The following PLA2G4A variants were observed in gnomAD, a reference collection of about 807,000 sequenced individuals.
PLA2G4A encodes the protein phospholipase A2 group IVA.
Under a neutral mutation model 81.9 loss-of-function variants are expected in PLA2G4A, and 40 were observed. That is an observed-to-expected ratio of 0.49 (90% CI 0.38 to 0.64). The LOEUF is 0.64. PLA2G4A is among the 30% of genes least tolerant of loss of function. PLA2G4A has a pLI of 0.00. For missense variants in PLA2G4A, 715 were observed against 905.1 expected, an observed-to-expected ratio of 0.79 and a Z score of 2.69; for synonymous variants, 302 against 296.9, an observed-to-expected ratio of 1.02 and a Z score of -0.18.
intron 10 of PLA2G4A, among the ~76,000 whole-genome samples, 190 bp downstream of exon 10, chr1:186,940,284 A>G (rs1209022259): frequency 6.6e-6 from 1 of 152,224 alleles, no homozygotes; most frequent in Non-Finnish European, 1.5e-5. Context: ...ATTCCATGAA[A>G]CTAGTAACTA....
At chr1:186,930,074 G>A (rs2102197614) in intron 7 of PLA2G4A, among the ~76,000 whole-genome samples, 1 of 151,666 alleles carries the variant, frequency 6.6e-6, no homozygotes, top group African/African-American at 2.4e-5. Context: ...GCTTGGGTGA[G>A]AGAGAGAGAG....
chr1:186,838,364 A>T (rs1167800210), intron 1 of PLA2G4A, among the ~76,000 whole-genome samples: 1 of 152,206 alleles, frequency 6.6e-6, no homozygotes, highest in Non-Finnish European at 1.5e-5. Flanking sequence ...AAGCAAAACA[A>T]AATAAAAAAC....
Position 186,861,496 on chromosome 1 carries a change from TA to T in PLA2G4A, c.33+7115del, listed in dbSNP as rs140931050. ...CTACTTTTAGGAAAATGTTTATTTT[TA>T]AAAAACATTGTCCAGTTTATAGTTA... On this transcript the variant is annotated intron_variant, in intron 2 of 17. Coordinates refer to ENST00000367466, the MANE Select transcript of PLA2G4A (RefSeq NM_024420.3). Among the ~76,000 whole-genome samples, 615 of 152,298 alleles carry T rather than the reference TA, an allele frequency of 4.0e-3. 5 individuals are homozygous for T. The highest frequency in any genetic ancestry group is 0.014 in the African/African-American group (593 of 41,566).
chr1:186,882,623 G>T (rs1429725436), intron 3 of PLA2G4A, among the ~76,000 whole-genome samples: 1 of 152,022 alleles, frequency 6.6e-6, no homozygotes, highest in Non-Finnish European at 1.5e-5. Context: ...GGGTTGGGAG[G>T]GAGCCTTTAA....
At chr1:186,863,296 T>G (rs1356353740) in intron 2 of PLA2G4A, among the ~76,000 whole-genome samples, 1 of 152,236 alleles carries the variant, frequency 6.6e-6, no homozygotes, top group Non-Finnish European at 1.5e-5. Flanking sequence ...TTTTCACTGC[T>G]AGAGCAATCC....
intron 1 of PLA2G4A, among the ~76,000 whole-genome samples, chr1:186,848,011 A>G (rs916162920): frequency 6.6e-6 from 1 of 152,184 alleles, no homozygotes; most frequent in South Asian, 2.1e-4. Context: ...AACCCTGGGA[A>G]GAATCTTAAA....
intron 3 of PLA2G4A, among the ~76,000 whole-genome samples, chr1:186,871,941 T>C (rs1653287482): frequency 6.6e-6 from 1 of 152,098 alleles, no homozygotes; most frequent in Non-Finnish European, 1.5e-5. Flanking sequence ...AGGAGTTAGA[T>C]ACTAAGAAAA....
intron 5 of PLA2G4A, 38 bp from the exon 6 acceptor site, chr1:186,906,927 A>C (rs1654758199): frequency 9.2e-7 from 1 of 1,088,692 alleles, no homozygotes; most frequent in East Asian, 2.4e-5. Context: ...ACACATATCT[A>C]CTTTATGACC....
intron 5 of PLA2G4A, among the ~76,000 whole-genome samples, chr1:186,894,956 A>C (rs1403527660): frequency 6.6e-6 from 1 of 152,124 alleles, no homozygotes; most frequent in Non-Finnish European, 1.5e-5. Context: ...TGTTGTTGGG[A>C]GAGACAATGT....
chr1:186,848,151 C>T (rs1469709675), intron 1 of PLA2G4A, among the ~76,000 whole-genome samples: 2 of 152,058 alleles, frequency 1.3e-5, no homozygotes, highest in Admixed American at 6.6e-5. Context: ...TGCGTTTGTG[C>T]ATGTCAGGGA....
chr1:186,900,595 G>T (rs1206994907), intron 5 of PLA2G4A, among the ~76,000 whole-genome samples: 1 of 152,164 alleles, frequency 6.6e-6, no homozygotes, highest in African/African-American at 2.4e-5. Context: ...GACTGAATAT[G>T]TCAAATGTGG....
rs1652476607 is a variant in PLA2G4A, at chr1:186,854,276, T to C, written c.-69-10T>C. 4.8e-6 allele frequency: 4 copies of C among 841,416 alleles called. No homozygotes were observed. The highest frequency in any genetic ancestry group is 2.4e-5 in the East Asian group (1 of 41,274). The allele number at this position is 841,416 out of a possible 1,614,324, so 52.1% of individuals were successfully genotyped here. On this transcript the variant is annotated splice_polypyrimidine_tract_variant and intron_variant, in intron 1 of 17. Coordinates refer to ENST00000367466, the MANE Select transcript of PLA2G4A (RefSeq NM_024420.3). ...AGGAAGCTTAACAATAGTGATTGTT[T>C]ATTTTGTAGGTTTTAAAGACGCTAG...
chr1:186,985,813 G>A (rs1474210029), intron 17 of PLA2G4A, among the ~76,000 whole-genome samples: 1 of 152,074 alleles, frequency 6.6e-6, no homozygotes, highest in Non-Finnish European at 1.5e-5. Flanking sequence ...GAAGGATTTG[G>A]AATCCCAATG....
chr1:186,842,258 G>T (rs1404913788), intron 1 of PLA2G4A, among the ~76,000 whole-genome samples: 2 of 151,950 alleles, frequency 1.3e-5, no homozygotes, highest in African/African-American at 2.4e-5. Flanking sequence ...GCCCAGGCTG[G>T]TCTCAAATTC....
intron 5 of PLA2G4A, among the ~76,000 whole-genome samples, chr1:186,900,395 A>G (rs1654494390): frequency 6.6e-6 from 1 of 152,212 alleles, no homozygotes; most frequent in African/African-American, 2.4e-5. Context: ...TCTCACTCTA[A>G]TTATAATTGA....
At position 186,862,712 on chromosome 1, in the gene PLA2G4A, A is replaced by G. The variant is rs557965488; in HGVS notation, c.34-7723A>G. Reference sequence around the variant, plus strand: ...CATCTTAGATCTTCATGAACATGACATATCATCTAGGGCAGTAATTCTAAA... The same window carrying G: ...CATCTTAGATCTTCATGAACATGACGTATCATCTAGGGCAGTAATTCTAAA... On this transcript the variant is annotated intron_variant, in intron 2 of 17. Coordinates refer to ENST00000367466, the MANE Select transcript of PLA2G4A (RefSeq NM_024420.3). Among the ~76,000 whole-genome samples the G allele has an allele frequency of 2.0e-4, 31 of 152,348 alleles. No homozygotes were observed. In the South Asian group the frequency reaches 5.8e-3, roughly 28 times the overall value.
chr1:186,977,618 C>T lies in PLA2G4A; in HGVS notation c.1790C>T (p.Ala597Val). Residue 597 changes from alanine (A) to valine (V), a missense_variant, in exon 16 of 18, where the codon GCT becomes GTT. Coordinates refer to ENST00000367466, the MANE Select transcript of PLA2G4A (RefSeq NM_024420.3). ...FKELLLAEKWAKMNKLPFPKI... is the reference protein window; with the variant it reads ...FKELLLAEKWVKMNKLPFPKI... ...GAACTTCTACTTGCAGAAAAGTGGG[C>T]TAAAATGAACAAGCTCCCCTTTCCA... 1.2e-6 allele frequency: 2 copies of T among 1,613,280 alleles called. No homozygotes were observed. The highest frequency in any genetic ancestry group is 2.2e-5 in the East Asian group (1 of 44,862).
At chr1:186,977,406 A>C (rs1211478687) in intron 15 of PLA2G4A, among the ~76,000 whole-genome samples, 187 bp from the exon 16 acceptor site, 1 of 152,214 alleles carries the variant, frequency 6.6e-6, no homozygotes, top group Non-Finnish European at 1.5e-5. Flanking sequence ...TTAACATAAC[A>C]ATAGTGAGTT....
chr1:186,834,755 G>T (rs920730267), intron 1 of PLA2G4A, among the ~76,000 whole-genome samples: 3 of 152,084 alleles, frequency 2.0e-5, no homozygotes, highest in Non-Finnish European at 2.9e-5. Context: ...AAAAAGTGCT[G>T]ATTTTGCCAA....
Sources: gnomAD v4.1 joint callset for allele counts (sites outside exome capture counted in the v4.1 genomes callset) on GRCh38, gnomAD v4.1.1 for gene constraint, MANE v1.5 for transcripts, NCBI Gene and HGNC (gene_info 2026-07-23, HGNC 2026-07-21) for gene names.